Variants in SERPINA12 observed in about 807,000 individuals in gnomAD.
The protein encoded by SERPINA12 is serpin A12.
Under a neutral mutation model 25.9 loss-of-function variants are expected in SERPINA12, and 21 were observed. That is an observed-to-expected ratio of 0.81 (90% CI 0.58 to 1.17). The LOEUF is 1.17. SERPINA12 is among the 50% of genes most tolerant of loss of function. SERPINA12 has a pLI of 0.00. For missense variants in SERPINA12, 562 were observed against 508.3 expected, an observed-to-expected ratio of 1.11 and a Z score of -1.02; for synonymous variants, 220 against 196.0, an observed-to-expected ratio of 1.12 and a Z score of -1.02.
Position 94,489,740 on chromosome 14 carries a change from G to C in SERPINA12, c.933C>G (p.Leu311=), listed in dbSNP as rs373526323. 1 of 1,614,178 alleles carries C rather than the reference G, an allele frequency of 6.2e-7. No individual in the cohort carries two copies. The highest frequency in any genetic ancestry group is 8.5e-7 in the Non-Finnish European group (1 of 1,180,016). The stretch of plus-strand genomic sequence containing the variant: ...TCAGGTCGAAGGTGCCCGTCATGTG[G>C]AGTCTGGGTACAGACACGTCTACGA... ...RRVVDVSVPR[L]HMTGTFDLKK... is the part of the protein sequence containing the mutation. The change falls in exon 4 of 5, where the codon CTC becomes CTG. Residue 311 remains leucine (L), a synonymous_variant. Transcript: ENST00000677451.
rs778393243 is a variant in SERPINA12 at position 94,498,422 on chromosome 14, G to T, written c.-25C>A. 3.1e-6 allele frequency: 5 copies of T among 1,603,462 alleles called. No homozygotes were observed. In the East Asian group the frequency reaches 6.7e-5, roughly 21 times the overall value. On this transcript the variant is annotated 5_prime_UTR_variant, in exon 2 of 5. Coordinates refer to ENST00000677451, the MANE Select transcript of SERPINA12 (RefSeq NM_001382267.1). Reference sequence around the variant, plus strand: ...TTTTCCTTGAAGAATATCCTGTTGAGTAGTAGACCTGAGGTCAGCAGAAAA... The same window carrying T: ...TTTTCCTTGAAGAATATCCTGTTGATTAGTAGACCTGAGGTCAGCAGAAAA...
Position 94,489,522 on chromosome 14 carries a change from A to C in SERPINA12, c.1053+98T>G, listed in dbSNP as rs939381756. 5.1e-6 allele frequency: 7 copies of C among 1,378,352 alleles called. No homozygotes were observed. In the East Asian group the frequency reaches 7.4e-5, roughly 15 times the overall value. 85.4% of individuals were successfully genotyped at this position (1,378,352 alleles called of 1,614,324 possible). ...CATGCCCGCCCCGACTGGTGGGTGG[A>C]GTCTCGGCTCTGACAGCCACTGTGA... On this transcript the variant is annotated intron_variant, in intron 4 of 4. Coordinates refer to ENST00000677451, the MANE Select transcript of SERPINA12 (RefSeq NM_001382267.1).
In SERPINA12 at chr14:94,489,758, G is replaced by C; in HGVS notation, c.915C>G (p.Asp305Glu). The stretch of plus-strand genomic sequence containing the variant: ...TCATGTGGAGTCTGGGTACAGACAC[G>C]TCTACGACCCTGGGGAATTGACACG... Reference protein sequence around the residue: ...WKTLLSRRVVDVSVPRLHMTG... With the variant: ...WKTLLSRRVVEVSVPRLHMTG... The change falls in exon 4 of 5, where the codon GAC becomes GAG. Residue 305 changes from aspartate to glutamate, a missense_variant. By Grantham distance (45) the Asp-to-Glu change is conservative. Transcript: ENST00000677451. 6.2e-7 allele frequency: 1 copy of C among 1,614,008 alleles called. No individual in the cohort carries two copies. Among genetic ancestry groups the C allele is most frequent in the Non-Finnish European group, 8.5e-7 (1 of 1,179,918 alleles).
At chr14:94,499,948 A>C (rs764718755) in intron 1 of SERPINA12, among the ~76,000 whole-genome samples, 1 of 152,152 alleles carries the variant, frequency 6.6e-6, no homozygotes, top group Non-Finnish European at 1.5e-5. Flanking sequence ...AGGGGAGGGC[A>C]GTTGTGAGCT....
chr14:94,508,626 G>T (rs1901015524), intron 1 of SERPINA12, among the ~76,000 whole-genome samples: 1 of 152,076 alleles, frequency 6.6e-6, no homozygotes, highest in Non-Finnish European at 1.5e-5. Flanking sequence ...AGGAAAAGAT[G>T]GCATATATGG....
intron 1 of SERPINA12, among the ~76,000 whole-genome samples, chr14:94,508,511 C>A (rs972330001): frequency 6.6e-6 from 1 of 151,960 alleles, no homozygotes; most frequent in Non-Finnish European, 1.5e-5. Flanking sequence ...AGGAAACAAA[C>A]AAATCATTTC....
At chr14:94,493,174 C>T (rs1464557709) in intron 3 of SERPINA12, among the ~76,000 whole-genome samples, 11 of 152,172 alleles carry the variant, frequency 7.2e-5, no homozygotes, top group Admixed American at 7.2e-4. Flanking sequence ...GACTAGGCTT[C>T]CCACCTGTAG....
At chr14:94,516,652 C>T (rs1901242490) in intron 1 of SERPINA12, among the ~76,000 whole-genome samples, 1 of 152,206 alleles carries the variant, frequency 6.6e-6, no homozygotes, top group Admixed American at 6.5e-5. Flanking sequence ...GGTGAGAATT[C>T]GTCACTACAC....
intron 1 of SERPINA12, among the ~76,000 whole-genome samples, chr14:94,502,432 C>T (rs890698508): frequency 6.6e-6 from 1 of 152,166 alleles, no homozygotes; most frequent in Non-Finnish European, 1.5e-5. Flanking sequence ...CCAACTGAAG[C>T]AACAGTGAGC....
At chr14:94,490,015 G>A (rs1900096837) in intron 3 of SERPINA12, among the ~76,000 whole-genome samples, 1 of 151,768 alleles carries the variant, frequency 6.6e-6, no homozygotes. Flanking sequence ...GTGTTCTCAA[G>A]TCTCAAGTTC....
intron 1 of SERPINA12, chr14:94,503,436 A>G: frequency 7.2e-6 from 3 of 414,750 alleles, no homozygotes; most frequent in Non-Finnish European, 9.7e-6. Flanking sequence ...GAAATGGTCC[A>G]TATTGATGCT....
chr14:94,494,344 G>A (rs1900304766), intron 3 of SERPINA12, among the ~76,000 whole-genome samples: 1 of 152,200 alleles, frequency 6.6e-6, no homozygotes, highest in Non-Finnish European at 1.5e-5. Context: ...ACCCGTGGGT[G>A]GTAACTGAAC....
chr14:94,487,543 C>A (rs140836503), intron 4 of SERPINA12, 49 bp from the exon 5 acceptor site: 19 of 1,517,022 alleles, frequency 1.3e-5, no homozygotes, highest in Admixed American at 2.0e-5. Flanking sequence ...CCTTGGCGAC[C>A]ACAGTGGGCC....
intron 1 of SERPINA12, among the ~76,000 whole-genome samples, chr14:94,500,273 A>G (rs74077730): frequency 0.22 from 33,508 of 152,002 alleles, 4,517 homozygotes; most frequent in African/African-American, 0.39. Flanking sequence ...CAGCTTCCCA[A>G]TAGATCCTCT....
chr14:94,512,078 A>T (rs542542576), upstream of SERPINA12, among the ~76,000 whole-genome samples: 1 of 151,918 alleles, frequency 6.6e-6, no homozygotes, highest in South Asian at 2.1e-4. Context: ...AGCCTGGGTG[A>T]CAGTGATACT....
upstream of SERPINA12, chr14:94,511,500 A>T (rs1901109200): frequency 1.0e-6 from 1 of 985,450 alleles, no homozygotes; most frequent in Non-Finnish European, 1.2e-6. Context: ...CATGCCTCAC[A>T]TAAGGCTGCG....
chr14:94,494,252 T>G (rs1017111783), intron 3 of SERPINA12, among the ~76,000 whole-genome samples: 1 of 152,224 alleles, frequency 6.6e-6, no homozygotes, highest in Non-Finnish European at 1.5e-5. Flanking sequence ...GACATCTCTG[T>G]GAACTCTAAA....
At chr14:94,513,085 A>C (rs1901150129), upstream of SERPINA12, among the ~76,000 whole-genome samples, 1 of 152,230 alleles carries the variant, frequency 6.6e-6, no homozygotes, top group Admixed American at 6.5e-5. Flanking sequence ...CTCACCATGC[A>C]GGTGGAAGAA....
At chr14:94,491,258 G>A (rs558248486) in intron 3 of SERPINA12, among the ~76,000 whole-genome samples, 29 of 152,282 alleles carry the variant, frequency 1.9e-4, no homozygotes, top group African/African-American at 5.5e-4. Flanking sequence ...ATGTACTAGC[G>A]GTATGCAGAA....
Sources: allele counts gnomAD v4.1 joint callset (sites outside exome capture counted in the v4.1 genomes callset), GRCh38; gene constraint gnomAD v4.1.1; transcripts MANE v1.5; gene names NCBI Gene and HGNC (gene_info 2026-07-23, HGNC 2026-07-21).